ANKRD30B: variants seen among roughly 807,000 people sequenced by gnomAD.
ANKRD30B encodes ankyrin repeat domain-containing protein 30B.
A neutral mutation model predicts 202.2 loss-of-function variants in ANKRD30B; 144 were observed. The ratio of observed to expected loss-of-function variants is 0.71; its 90% CI spans 0.62 to 0.82. ANKRD30B has a LOEUF of 0.82. Ranked by LOEUF, ANKRD30B falls within the 40% of genes least tolerant of loss-of-function variation. The probability of loss-of-function intolerance (pLI) is 0.00; values close to 1 mark genes in which losing one functional copy is unlikely to be tolerated. For synonymous variants in ANKRD30B, 508 were observed against 561.3 expected, an observed-to-expected ratio of 0.91 and a Z score of 1.34; for missense variants, 1,487 against 1,669.1, an observed-to-expected ratio of 0.89 and a Z score of 1.90.
intron 34 of ANKRD30B, among the ~76,000 whole-genome samples, chr18:14,834,630 T>C (rs1187144213): frequency 6.6e-6 from 1 of 151,970 alleles, no homozygotes; most frequent in African/African-American, 2.4e-5. Context: ...AGGACGAGTA[T>C]AGGTAGGAGC....
chr18:14,852,535 T>C (rs1416098494), intron 42 of ANKRD30B, 115 bp downstream of exon 42: 1 of 1,289,664 alleles, frequency 7.8e-7, no homozygotes, highest in East Asian at 2.7e-5. Flanking sequence ...ATGTACTTAC[T>C]ATATCAGCTT....
chr18:14,790,091 G>A (rs540689323), intron 15 of ANKRD30B, among the ~76,000 whole-genome samples: 25 of 152,180 alleles, frequency 1.6e-4, no homozygotes, highest in Middle Eastern at 3.4e-3. Context: ...AGTTCTCCTT[G>A]AAGAGGTCCT....
chr18:14,861,653 T>G, the ANKRD30B span, among the ~76,000 whole-genome samples: 2 of 150,532 alleles, frequency 1.3e-5, no homozygotes, highest in African/African-American at 4.9e-5. Context: ...AGAAAAGAGA[T>G]ACACAGCTGT....
At chr18:14,826,132 A>G (rs1252592317) in intron 32 of ANKRD30B, among the ~76,000 whole-genome samples, 1 of 152,072 alleles carries the variant, frequency 6.6e-6, no homozygotes, top group Non-Finnish European at 1.5e-5. Flanking sequence ...ATAATTATTA[A>G]GCAAAGCCAT....
chr18:14,865,897 C>A, the ANKRD30B span, among the ~76,000 whole-genome samples: 1 of 152,138 alleles, frequency 6.6e-6, no homozygotes, highest in Non-Finnish European at 1.5e-5. Context: ...CTGGAATAGC[C>A]TGACTCTTCT....
At chr18:14,785,304 T>C (rs1410373175) in intron 14 of ANKRD30B, among the ~76,000 whole-genome samples, 1 of 152,216 alleles carries the variant, frequency 6.6e-6, no homozygotes, top group African/African-American at 2.4e-5. Flanking sequence ...TACAGTGTAA[T>C]GTTCAGCAAC....
rs544759959 is a variant in ANKRD30B at position 14,758,467 on chromosome 18, C to G, written c.755+515C>G. On this transcript the variant is annotated intron_variant, in intron 5 of 43. Coordinates refer to ENST00000690538, the MANE Select transcript of ANKRD30B (RefSeq NM_001367607.2). ...GCCCCTGCAGTCTGGTAATGATTGA[C>G]CTTTGTGACCAGGATGCCCTTACTA... Among the ~76,000 whole-genome samples the G allele has an allele frequency of 5.3e-5, 8 of 152,282 alleles. No individual in the cohort carries two copies. The South Asian group carries it at 1.7e-3, about 32-fold the overall frequency.
At chr18:14,797,751 T>C (rs771454575) in intron 19 of ANKRD30B, 31 bp from the exon 20 acceptor site, 33 of 1,594,662 alleles carry the variant, frequency 2.1e-5, no homozygotes, top group East Asian at 1.8e-4. Context: ...GTACATTATA[T>C]ATTAATTTTT....
At chr18:14,937,707 G>A in the ANKRD30B span, among the ~76,000 whole-genome samples, 1 of 152,210 alleles carries the variant, frequency 6.6e-6, no homozygotes, top group Non-Finnish European at 1.5e-5. Flanking sequence ...CAATAAATCT[G>A]TGCTTTTGTT....
chr18:14,848,595 C>T, intron 39 of ANKRD30B, 121 bp from the exon 40 acceptor site: 2 of 751,440 alleles, frequency 2.7e-6, no homozygotes, highest in Non-Finnish European at 3.8e-6. Flanking sequence ...ATAATGCCTT[C>T]CACATGGTAG....
Position 14,804,526 on chromosome 18 carries a change from A to G in ANKRD30B, c.2284+702A>G, listed in dbSNP as rs1969376511. Among the ~76,000 whole-genome samples the G allele has an allele frequency of 2.0e-5, 3 of 150,144 alleles. No individual in the cohort carries two copies. In the South Asian group the frequency reaches 6.4e-4, roughly 32 times the overall value. On this transcript the variant is annotated intron_variant, in intron 24 of 43. Coordinates refer to ENST00000690538, the MANE Select transcript of ANKRD30B (RefSeq NM_001367607.2). ...AGCCGACTAGGGATTCTGCATTTTT[A>G]GTAAGTTGTCAGGCGATGCTGATGC... is the stretch of plus-strand genomic sequence containing the variant.
chr18:14,835,018 T>A (rs1971110985), intron 34 of ANKRD30B, among the ~76,000 whole-genome samples: 1 of 152,002 alleles, frequency 6.6e-6, no homozygotes, highest in Non-Finnish European at 1.5e-5. Flanking sequence ...TATTCTTAGG[T>A]TATTTAACTA....
chr18:14,791,265 C>T (rs1345418983), intron 15 of ANKRD30B, 136 bp from the exon 16 acceptor site: 33 of 658,874 alleles, frequency 5.0e-5, no homozygotes, highest in South Asian at 4.8e-4. Context: ...ATTTTCTATA[C>T]GTGTGTACTC....
the ANKRD30B span, among the ~76,000 whole-genome samples, chr18:14,935,733 G>T: frequency 6.6e-6 from 1 of 152,232 alleles, no homozygotes; most frequent in Non-Finnish European, 1.5e-5. Flanking sequence ...ATGCACACGT[G>T]TATGTGTGCA....
chr18:14,940,999 G>A, the ANKRD30B span, among the ~76,000 whole-genome samples: 1 of 152,052 alleles, frequency 6.6e-6, no homozygotes, highest in African/African-American at 2.4e-5. Context: ...GGGTCACCAG[G>A]CTCTGGGACT....
chr18:14,873,624 C>A, the ANKRD30B span, among the ~76,000 whole-genome samples: 2 of 151,490 alleles, frequency 1.3e-5, no homozygotes, highest in Admixed American at 6.6e-5. Context: ...TGACTGTGGG[C>A]AAATTGTTTC....
intron 9 of ANKRD30B, among the ~76,000 whole-genome samples, chr18:14,777,300 AT>A (rs547021046): frequency 6.6e-6 from 1 of 151,186 alleles, no homozygotes; most frequent in Non-Finnish European, 1.5e-5. Context: ...AGTTTTAATT[AT>A]TTTTTTTTCT....
intron 39 of ANKRD30B, among the ~76,000 whole-genome samples, chr18:14,847,050 T>TATA (rs1971668356): frequency 1.8e-5 from 2 of 111,110 alleles, no homozygotes; most frequent in Non-Finnish European, 3.7e-5. Flanking sequence ...TGATTTAGTT[T>TATA]TATATATATA....
the ANKRD30B span, among the ~76,000 whole-genome samples, chr18:14,886,443 G>A: frequency 6.6e-6 from 1 of 151,910 alleles, no homozygotes; most frequent in African/African-American, 2.4e-5. Context: ...AATAATTAAG[G>A]TACATATTTC....
Sources: gnomAD v4.1 joint callset for allele counts (sites outside exome capture counted in the v4.1 genomes callset) on GRCh38, gnomAD v4.1.1 for gene constraint, MANE v1.5 for transcripts, NCBI Gene and HGNC (gene_info 2026-07-23, HGNC 2026-07-21) for gene names.